RNF125: variants seen among roughly 807,000 people sequenced by gnomAD.
The protein encoded by RNF125 is ring finger protein 125, also known as E3 ubiquitin-protein ligase RNF125.
Under a neutral mutation model 26.0 loss-of-function variants are expected in RNF125, and 21 were observed. The observed-to-expected ratio is 0.81, with a 90% CI of 0.57 to 1.16. The LOEUF (loss-of-function observed/expected upper bound fraction) is 1.16. RNF125 is among the 50% of genes most tolerant of loss of function. RNF125 has a pLI of 0.00. For missense variants in RNF125, 270 were observed against 299.4 expected (o/e 0.90, Z 0.72); for synonymous variants, 95 against 109.2 (o/e 0.87, Z 0.81).
intron 4 of RNF125, among the ~76,000 whole-genome samples, chr18:32,056,354 G>A (rs2039382806): frequency 6.6e-6 from 1 of 152,094 alleles, no homozygotes; most frequent in African/African-American, 2.4e-5. Context: ...GCTCCCGACT[G>A]TAATCCCAGC....
chr18:32,089,369 C>T, the RNF125 span, among the ~76,000 whole-genome samples: 1 of 152,180 alleles, frequency 6.6e-6, no homozygotes, highest in Non-Finnish European at 1.5e-5. Context: ...CTCCCAAATG[C>T]CATTCTGAGG....
chr18:32,065,126 G>A (rs927125303), intron 4 of RNF125, among the ~76,000 whole-genome samples: 1 of 152,182 alleles, frequency 6.6e-6, no homozygotes, highest in African/African-American at 2.4e-5. Context: ...TTGCTTTCAT[G>A]TTTATGCAAT....
In RNF125 at chr18:32,071,825, T is replaced by C. The variant is rs1445918091; in HGVS notation, c.*3441T>C. ...TTTTAAGTTTGCTTTTCACAGCTGCTAAAAAGTAACAACTGATTTTTAGTT... is the reference window on the plus strand; with the variant it reads ...TTTTAAGTTTGCTTTTCACAGCTGCCAAAAAGTAACAACTGATTTTTAGTT... On this transcript the variant is annotated 3_prime_UTR_variant, in exon 6 of 6. Coordinates refer to ENST00000217740, the MANE Select transcript of RNF125 (RefSeq NM_017831.4). 6.6e-6 allele frequency: 1 copy of C among 152,210 alleles called. No homozygotes were observed. The highest frequency in any genetic ancestry group is 1.5e-5 in the Non-Finnish European group (1 of 68,038). The allele number at this position is 152,210 out of a possible 1,614,324, so 9.4% of individuals were successfully genotyped here.
intron 4 of RNF125, among the ~76,000 whole-genome samples, chr18:32,058,800 A>T (rs901139659): frequency 6.6e-6 from 1 of 152,146 alleles, no homozygotes; most frequent in African/African-American, 2.4e-5. Flanking sequence ...GCCTCTGGTA[A>T]CCATCATTCT....
chr18:32,056,846 A>G (rs1189045589), intron 4 of RNF125, among the ~76,000 whole-genome samples: 1 of 152,212 alleles, frequency 6.6e-6, no homozygotes, highest in African/African-American at 2.4e-5. Context: ...GCAAAAAATT[A>G]CAAACCTTCT....
At chr18:32,041,378 G>A (rs995447157) in intron 2 of RNF125, among the ~76,000 whole-genome samples, 10 of 152,018 alleles carry the variant, frequency 6.6e-5, no homozygotes, top group Non-Finnish European at 1.0e-4. Context: ...TTTCCCTAAG[G>A]CACAGTGTTT....
At chr18:32,025,713 G>A (rs1000330273) in intron 1 of RNF125, among the ~76,000 whole-genome samples, 1 of 151,254 alleles carries the variant, frequency 6.6e-6, no homozygotes, top group African/African-American at 2.4e-5. Flanking sequence ...CCCAAAGAGG[G>A]GCGATTGGTG....
chr18:32,050,923 T>C (rs955237492), intron 4 of RNF125, among the ~76,000 whole-genome samples: 15 of 129,448 alleles, frequency 1.2e-4, no homozygotes, highest in Non-Finnish European at 2.2e-4. Flanking sequence ...TTCATCATCA[T>C]GTTGCCCAGG....
At chr18:32,076,237 C>T, downstream of RNF125, 1 of 440,062 alleles carries the variant, frequency 2.3e-6, no homozygotes, top group South Asian at 2.0e-5. Flanking sequence ...TGTTGATGCT[C>T]TTGAGAGCAT....
chr18:32,027,632 C>T (rs368458562), intron 1 of RNF125, among the ~76,000 whole-genome samples: 11 of 152,240 alleles, frequency 7.2e-5, no homozygotes, highest in East Asian at 3.9e-4. Flanking sequence ...CCTTTCTTTG[C>T]TGGCTTTTCA....
chr18:32,085,932 A>T, the RNF125 span, among the ~76,000 whole-genome samples: 3 of 152,168 alleles, frequency 2.0e-5, no homozygotes, highest in Non-Finnish European at 2.9e-5. Flanking sequence ...GATACTTCCA[A>T]CTACAAATAA....
chr18:32,041,620 CTTTTTTTTTTTT>C (rs60264747), intron 2 of RNF125, among the ~76,000 whole-genome samples: 2 of 93,280 alleles, frequency 2.1e-5, no homozygotes, highest in East Asian at 6.6e-4. Flanking sequence ...AATGTAGATG[CTTTTTTTTTTTT>C]TTTTTTTTTT....
intron 1 of RNF125, among the ~76,000 whole-genome samples, chr18:32,020,974 T>G (rs1453445063): frequency 6.6e-6 from 1 of 152,190 alleles, no homozygotes; most frequent in Non-Finnish European, 1.5e-5. Flanking sequence ...CCTATAGCCT[T>G]GTATCTGAAA....
At chr18:32,037,604 C>T (rs2039171746) in intron 2 of RNF125, among the ~76,000 whole-genome samples, 1 of 152,020 alleles carries the variant, frequency 6.6e-6, no homozygotes, top group Non-Finnish European at 1.5e-5. Flanking sequence ...AATCTCCTGA[C>T]CTCATTACCC....
At chr18:32,067,994 C>A (rs2039499979) in intron 5 of RNF125, among the ~76,000 whole-genome samples, 1 of 152,188 alleles carries the variant, frequency 6.6e-6, no homozygotes, top group Non-Finnish European at 1.5e-5. Context: ...TGGAACATAG[C>A]ACTCTGACCA....
intron 5 of RNF125, among the ~76,000 whole-genome samples, chr18:32,068,027 A>C (rs571769375): frequency 4.8e-4 from 73 of 152,306 alleles, no homozygotes; most frequent in African/African-American, 1.4e-3. Flanking sequence ...GTGACTAAAA[A>C]CTTCTCATTA....
intron 1 of RNF125, among the ~76,000 whole-genome samples, chr18:32,028,297 TAAAAAAA>T (rs1156859954): frequency 4.1e-5 from 3 of 72,396 alleles, no homozygotes; most frequent in Non-Finnish European, 5.1e-5. Context: ...GACTCCGTCT[TAAAAAAA>T]AAAAAAAAAA....
At chr18:32,049,889 G>T (rs1048269604) in intron 4 of RNF125, among the ~76,000 whole-genome samples, 2 of 152,150 alleles carry the variant, frequency 1.3e-5, no homozygotes, top group African/African-American at 2.4e-5. Flanking sequence ...ATGTGGTATA[G>T]CTGGGGTTCA....
intron 5 of RNF125, among the ~76,000 whole-genome samples, chr18:32,067,518 T>G (rs2039495411): frequency 6.6e-6 from 1 of 152,240 alleles, no homozygotes; most frequent in Non-Finnish European, 1.5e-5. Context: ...AAGCACTATA[T>G]GTATATATCA....
Sources: gnomAD v4.1 joint callset for allele counts (sites outside exome capture counted in the v4.1 genomes callset) on GRCh38, gnomAD v4.1.1 for gene constraint, MANE v1.5 for transcripts, NCBI Gene and HGNC (gene_info 2026-07-23, HGNC 2026-07-21) for gene names.